Variants in PDE8A observed in about 807,000 individuals in gnomAD.
PDE8A encodes the protein phosphodiesterase 8A.
Under a neutral mutation model 105.0 loss-of-function variants are expected in PDE8A, and 59 were observed. The ratio of observed to expected loss-of-function variants is 0.56; its 90% confidence interval spans 0.46 to 0.70. The LOEUF is 0.70. PDE8A is among the 30% of genes least tolerant of loss of function. The pLI is 0.00. For synonymous variants in PDE8A, 355 were observed against 371.9 expected (o/e 0.95, Z 0.52); for missense variants, 1,014 against 1,045.9 (o/e 0.97, Z 0.42).
intron 18 of PDE8A, among the ~76,000 whole-genome samples, chr15:85,122,496 A>T (rs931938990): frequency 6.6e-6 from 1 of 152,224 alleles, no homozygotes; most frequent in African/African-American, 2.4e-5. Context: ...ATCAATGGAA[A>T]ACTACATGAG....
chr15:85,095,474 G>A (rs2081730635), intron 8 of PDE8A, among the ~76,000 whole-genome samples: 1 of 152,048 alleles, frequency 6.6e-6, no homozygotes, highest in African/African-American at 2.4e-5. Flanking sequence ...CTCCTGAGTA[G>A]CTGGGATTAC....
chr15:85,059,499 A>G (rs2081112183), intron 1 of PDE8A, among the ~76,000 whole-genome samples: 1 of 152,100 alleles, frequency 6.6e-6, no homozygotes, highest in Admixed American at 6.5e-5. Context: ...ATATATTTTA[A>G]TGGTCTGTCA....
At chr15:85,085,440 C>T (rs2081535906) in intron 6 of PDE8A, among the ~76,000 whole-genome samples, 1 of 152,208 alleles carries the variant, frequency 6.6e-6, no homozygotes. Context: ...TGGCTCATGC[C>T]TGTAATCCCA....
At chr15:85,052,631 GTGTC>G (rs2080995130) in intron 1 of PDE8A, among the ~76,000 whole-genome samples, 1 of 152,208 alleles carries the variant, frequency 6.6e-6, no homozygotes, top group African/African-American at 2.4e-5. Flanking sequence ...CTTTTGAGAA[GTGTC>G]TGTTCATATC....
At chr15:85,029,871 A>G (rs551625937) in intron 1 of PDE8A, among the ~76,000 whole-genome samples, 2 of 152,274 alleles carry the variant, frequency 1.3e-5, no homozygotes, top group East Asian at 3.9e-4. Context: ...TCATATGACA[A>G]TGTCTAAGGC....
At chr15:85,121,258 G>GA (rs924994229) in intron 18 of PDE8A, among the ~76,000 whole-genome samples, 7 of 147,674 alleles carry the variant, frequency 4.7e-5, no homozygotes, top group East Asian at 2.0e-4. Context: ...TCTACAAAAG[G>GA]AAAAAAAAAA....
intron 1 of PDE8A, among the ~76,000 whole-genome samples, chr15:85,014,909 C>T (rs12900736): frequency 0.13 from 19,389 of 152,028 alleles, 1,636 homozygotes; most frequent in Middle Eastern, 0.24. Context: ...AATAACAGTC[C>T]CTCCCCATTG....
intron 1 of PDE8A, among the ~76,000 whole-genome samples, chr15:85,020,327 G>C (rs531386199): frequency 6.6e-6 from 1 of 152,092 alleles, no homozygotes; most frequent in East Asian, 1.9e-4. Flanking sequence ...ACAAGGGCCC[G>C]GCGCAGTGGC....
intron 1 of PDE8A, among the ~76,000 whole-genome samples, chr15:84,984,395 G>A (rs2079768672): frequency 6.6e-6 from 1 of 152,118 alleles, no homozygotes; most frequent in South Asian, 2.1e-4. Flanking sequence ...CTATGCTCTG[G>A]AAATTCATGT....
At chr15:85,135,650 A>G (rs1389228324) in intron 20 of PDE8A, among the ~76,000 whole-genome samples, 1 of 152,134 alleles carries the variant, frequency 6.6e-6, no homozygotes, top group Non-Finnish European at 1.5e-5. Flanking sequence ...TAAAGAATGC[A>G]CTCAGGACTT....
intron 3 of PDE8A, among the ~76,000 whole-genome samples, chr15:85,075,456 C>T (rs994398455): frequency 6.6e-6 from 1 of 152,202 alleles, no homozygotes; most frequent in African/African-American, 2.4e-5. Context: ...CCTTTATCCC[C>T]GTTGTAAGCA....
intron 20 of PDE8A, among the ~76,000 whole-genome samples, chr15:85,129,855 CTT>C (rs2082306641): frequency 6.6e-6 from 1 of 152,136 alleles, no homozygotes; most frequent in South Asian, 2.1e-4. Context: ...CATCTAATAA[CTT>C]TTGGCATAGT....
At chr15:84,993,832 G>A (rs111938307) in intron 1 of PDE8A, among the ~76,000 whole-genome samples, 71 of 152,332 alleles carry the variant, frequency 4.7e-4, no homozygotes, top group African/African-American at 1.7e-3. Flanking sequence ...AGGTTGCAGT[G>A]AGCTATGATT....
intron 20 of PDE8A, among the ~76,000 whole-genome samples, chr15:85,133,631 T>G (rs971305495): frequency 4.6e-5 from 7 of 152,212 alleles, no homozygotes; most frequent in Non-Finnish European, 8.8e-5. Context: ...GTCTCTCATT[T>G]CATGGAGAAA....
chr15:85,041,490 G>T (rs1228430736), intron 1 of PDE8A, among the ~76,000 whole-genome samples: 2 of 152,182 alleles, frequency 1.3e-5, no homozygotes, highest in African/African-American at 4.8e-5. Context: ...CTCTTTGACA[G>T]TCTGTGCTTT....
Position 85,138,358 on chromosome 15 carries a change from A to T in PDE8A, c.*455A>T, listed in dbSNP as rs1028074762. ...AATCGCTCACTTGGGAACACTACTG[A>T]GAGTGACTTCTCTTTTAAAATTGAG... On this transcript the variant is annotated 3_prime_UTR_variant, in exon 22 of 22. Coordinates refer to ENST00000394553, the MANE Select transcript of PDE8A (RefSeq NM_002605.3). The T allele has an allele frequency of 6.5e-6, 1 of 153,258 alleles. No homozygotes were observed. Among genetic ancestry groups the T allele is most frequent in the Non-Finnish European group, 1.5e-5 (1 of 68,466 alleles). The allele number at this position is 153,258 out of a possible 1,614,324, so 9.5% of individuals were successfully genotyped here.
intron 20 of PDE8A, among the ~76,000 whole-genome samples, chr15:85,128,405 G>A (rs949152807): frequency 2.0e-5 from 3 of 152,160 alleles, no homozygotes; most frequent in Non-Finnish European, 4.4e-5. Flanking sequence ...CCAGTTGCAG[G>A]AGGATTGCTT....
At chr15:85,061,998 T>A (rs965076523) in intron 1 of PDE8A, among the ~76,000 whole-genome samples, 14 of 152,188 alleles carry the variant, frequency 9.2e-5, no homozygotes, top group African/African-American at 3.1e-4. Flanking sequence ...TGTTCGTACA[T>A]CATTTTCTTG....
At chr15:85,066,199 T>C (rs551612035) in intron 2 of PDE8A, among the ~76,000 whole-genome samples, 15 of 152,218 alleles carry the variant, frequency 9.9e-5, no homozygotes, top group Non-Finnish European at 2.1e-4. Flanking sequence ...GTTTTAATTC[T>C]TTTAGTTTCA....
Sources: gnomAD v4.1 joint callset for allele counts (sites outside exome capture counted in the v4.1 genomes callset) on GRCh38, gnomAD v4.1.1 for gene constraint, MANE v1.5 for transcripts, NCBI Gene and HGNC (gene_info 2026-07-23, HGNC 2026-07-21) for gene names.